The following LNPK variants were observed in gnomAD, a reference collection of about 807,000 sequenced individuals.
LNPK encodes lunapark, ER junction formation factor.
In LNPK, 29 loss-of-function variants were observed where a neutral mutation model predicts 55.2. That is an observed-to-expected ratio of 0.53 (90% CI 0.39 to 0.72). LNPK has a LOEUF of 0.72. LNPK is among the 30% of genes least tolerant of loss of function. LNPK has a pLI of 0.00. For synonymous variants in LNPK, 162 were observed against 168.2 expected (o/e 0.96, Z 0.29); for missense variants, 467 against 494.8 (o/e 0.94, Z 0.53).
chr2:175,933,985 C>A (rs767293606), intron 12 of LNPK, among the ~76,000 whole-genome samples: 2 of 152,140 alleles, frequency 1.3e-5, no homozygotes, highest in African/African-American at 2.4e-5. Context: ...GCCTTGGCCT[C>A]CCAAAGTGCT....
At chr2:175,958,063 G>A (rs977281250) in intron 8 of LNPK, among the ~76,000 whole-genome samples, 6 of 152,328 alleles carry the variant, frequency 3.9e-5, no homozygotes, top group African/African-American at 7.2e-5. Flanking sequence ...CAGGAAGCTC[G>A]AACTGGGTGG....
intron 4 of LNPK, among the ~76,000 whole-genome samples, chr2:175,986,719 A>C (rs891461411): frequency 6.6e-6 from 1 of 152,146 alleles, no homozygotes; most frequent in Non-Finnish European, 1.5e-5. Flanking sequence ...AACTGTATTT[A>C]ACAACATTCA....
In LNPK at chr2:175,934,755, G is replaced by A. The variant is rs945890590; in HGVS notation, c.1054+2589C>T. ...AAAGAAACTGAGGAACCTAAAAGCA[G>A]TTCATTTCTTGCCGTATTTAGTATG... On this transcript the variant is annotated intron_variant, in intron 12 of 12. Transcript: ENST00000272748. Among the ~76,000 whole-genome samples, 16 of 151,320 alleles carry A rather than the reference G, an allele frequency of 1.1e-4. No individual in the cohort carries two copies. The East Asian group carries it at 1.2e-3, about 11-fold the overall frequency.
At chr2:175,976,315 AAGTG>A (rs1198359563) in intron 5 of LNPK, among the ~76,000 whole-genome samples, 2 of 152,232 alleles carry the variant, frequency 1.3e-5, no homozygotes, top group Non-Finnish European at 2.9e-5. Context: ...GTAGTAAAGA[AAGTG>A]AGAACTGGTC....
At chr2:175,930,552 G>C (rs1346149870) in intron 12 of LNPK, among the ~76,000 whole-genome samples, 2 of 150,792 alleles carry the variant, frequency 1.3e-5, no homozygotes, top group African/African-American at 4.9e-5. Flanking sequence ...TAATACAATA[G>C]TCCAGCAAAC....
intron 1 of LNPK, 42 bp downstream of exon 1, chr2:176,002,118 G>A: frequency 2.5e-6 from 1 of 392,994 alleles, no homozygotes. Flanking sequence ...ATGCCTCCCC[G>A]CTGCAGAGCC....
At chr2:175,995,056 G>A (rs1296604033) in intron 2 of LNPK, among the ~76,000 whole-genome samples, 9 of 151,660 alleles carry the variant, frequency 5.9e-5, no homozygotes, top group Non-Finnish European at 8.8e-5. Flanking sequence ...CGAGTAGCTG[G>A]GATTACAGGC....
At chr2:175,955,611 T>C (rs1685654490) in intron 8 of LNPK, among the ~76,000 whole-genome samples, 1 of 152,188 alleles carries the variant, frequency 6.6e-6, no homozygotes, top group African/African-American at 2.4e-5. Flanking sequence ...TTTATTAAGG[T>C]GAATTTATTA....
chr2:175,999,191 G>T (rs1268844822), intron 1 of LNPK, among the ~76,000 whole-genome samples: 3 of 152,148 alleles, frequency 2.0e-5, no homozygotes, highest in African/African-American at 7.2e-5. Context: ...TAACAGATGT[G>T]AAAACACAAC....
intron 2 of LNPK, 127 bp downstream of exon 2, chr2:175,995,428 GAGA>G: frequency 1.7e-6 from 1 of 582,156 alleles, no homozygotes; most frequent in African/African-American, 1.9e-5. Flanking sequence ...TAATTCAAAA[GAGA>G]AGAAAAAAGT....
intron 9 of LNPK, chr2:175,941,060 C>A (rs1290162108): frequency 4.6e-6 from 2 of 431,774 alleles, no homozygotes; most frequent in Admixed American, 2.6e-5. Context: ...CCAGCCTGGG[C>A]AATATGAGGA....
chr2:175,976,361 T>C (rs1359830505), intron 5 of LNPK, among the ~76,000 whole-genome samples: 2 of 152,240 alleles, frequency 1.3e-5, no homozygotes, highest in Non-Finnish European at 1.5e-5. Context: ...GTAAAGATTA[T>C]ATGACTTGCT....
intron 9 of LNPK, among the ~76,000 whole-genome samples, chr2:175,941,727 G>T (rs1402143248): frequency 6.8e-6 from 1 of 147,066 alleles, no homozygotes; most frequent in Non-Finnish European, 1.5e-5. Flanking sequence ...GGAGGTGGAG[G>T]TTGCAGTGAG....
chr2:175,962,219 G>C (rs996692699), intron 8 of LNPK, among the ~76,000 whole-genome samples: 5 of 152,032 alleles, frequency 3.3e-5, no homozygotes, highest in African/African-American at 1.2e-4. Context: ...AGTTCATATG[G>C]AACCAAAAAA....
intron 1 of LNPK, 97 bp downstream of exon 1, chr2:176,002,063 G>C (rs1169027903): frequency 3.1e-6 from 1 of 323,676 alleles, no homozygotes; most frequent in Admixed American, 4.4e-5. Context: ...CCAAGGAGAG[G>C]CAAGCGGGGA....
chr2:175,964,293 C>T (rs1686217397), intron 8 of LNPK, 79 bp downstream of exon 8: 2 of 1,186,590 alleles, frequency 1.7e-6, no homozygotes, highest in African/African-American at 3.0e-5. Flanking sequence ...TTTTTGCACA[C>T]CTCCAACACA....
chr2:175,942,753 T>C (rs1684918929), intron 9 of LNPK, among the ~76,000 whole-genome samples: 1 of 151,376 alleles, frequency 6.6e-6, no homozygotes, highest in African/African-American at 2.4e-5. Context: ...TAATTTCAGC[T>C]TCCACATTAA....
chr2:175,945,199 C>A (rs879365472), intron 9 of LNPK, among the ~76,000 whole-genome samples: 6 of 149,746 alleles, frequency 4.0e-5, no homozygotes, highest in Non-Finnish European at 8.9e-5. Context: ...GTGCCCGGCT[C>A]TCAAATACAC....
rs938867630 is a variant in LNPK at position 175,927,168 on chromosome 2, G to C, written c.*2799C>G. 2 of 151,940 alleles carry C rather than the reference G, an allele frequency of 1.3e-5. No individual in the cohort carries two copies. The highest frequency in any genetic ancestry group is 2.4e-5 in the African/African-American group (1 of 41,416). The allele number at this position is 151,940 out of a possible 1,614,324, so 9.4% of individuals were successfully genotyped here. ...TAGTGTGATATATGAAAAGCCAAAA[G>C]AAAAAAAGTATCTCAGAGAATATTC... On this transcript the variant is annotated 3_prime_UTR_variant, in exon 13 of 13. Transcript: ENST00000272748.
Sources: allele counts gnomAD v4.1 joint callset (sites outside exome capture counted in the v4.1 genomes callset), GRCh38; gene constraint gnomAD v4.1.1; transcripts MANE v1.5; gene names NCBI Gene and HGNC (gene_info 2026-07-23, HGNC 2026-07-21).